FUT8: variants seen among roughly 807,000 people sequenced by gnomAD.
FUT8 encodes the protein fucosyltransferase 8, also known as alpha-(1,6)-fucosyltransferase.
In FUT8, 29 loss-of-function variants were observed where a neutral mutation model predicts 71.3. That is an observed-to-expected ratio of 0.41 (90% CI 0.30 to 0.55). The LOEUF (loss-of-function observed/expected upper bound fraction) is 0.55. Ranked by LOEUF, FUT8 falls within the 20% of genes least tolerant of loss-of-function variation. The probability of loss-of-function intolerance (pLI) is 0.34; values close to 1 mark genes in which losing one functional copy is unlikely to be tolerated. For missense variants in FUT8, 544 were observed against 702.1 expected (o/e 0.77, Z 2.55); for synonymous variants, 254 against 239.3 (o/e 1.06, Z -0.57).
At chr14:65,526,107 T>C (rs1298730226) in intron 2 of FUT8, among the ~76,000 whole-genome samples, 1 of 152,226 alleles carries the variant, frequency 6.6e-6, no homozygotes, top group Non-Finnish European at 1.5e-5. Context: ...GTTCAATTCC[T>C]GGATATCCTT....
At chr14:65,625,988 G>T (rs1344463643) in intron 5 of FUT8, among the ~76,000 whole-genome samples, 2 of 152,106 alleles carry the variant, frequency 1.3e-5, no homozygotes, top group Admixed American at 6.5e-5. Flanking sequence ...AATCACAGTT[G>T]TTGAGGGCAT....
At chr14:65,440,239 A>G (rs562038967) in intron 1 of FUT8, among the ~76,000 whole-genome samples, 148 of 152,010 alleles carry the variant, frequency 9.7e-4, no homozygotes, top group African/African-American at 3.4e-3. Flanking sequence ...TAAAGTGTAC[A>G]AAGTTTCAGG....
At position 65,556,362 on chromosome 14, in the gene FUT8, G is replaced by A. The variant is rs146001113; in HGVS notation, c.-227-4975G>A. On this transcript the variant is annotated intron_variant, in intron 2 of 10. Coordinates refer to ENST00000673929, the MANE Select transcript of FUT8 (RefSeq NM_001371533.1). ...TTGCTCACGTTCACTGGTCATTGGCGGGATTCAACAACCTTGTGAGGTGCT... is the reference window on the plus strand; with the variant it reads ...TTGCTCACGTTCACTGGTCATTGGCAGGATTCAACAACCTTGTGAGGTGCT... 3.9e-4 allele frequency among the ~76,000 whole-genome samples: 59 copies of A among 152,220 alleles called. No individual in the cohort carries two copies. The East Asian group carries it at 8.3e-3, about 21-fold the overall frequency.
chr14:65,423,941 A>T (rs2065341901), intron 1 of FUT8, among the ~76,000 whole-genome samples: 1 of 152,164 alleles, frequency 6.6e-6, no homozygotes, highest in Non-Finnish European at 1.5e-5. Context: ...AATGGCCCTT[A>T]TGCTGGATTC....
chr14:65,412,381 T>C (rs1190532240), upstream of FUT8: 1 of 454,784 alleles, frequency 2.2e-6, no homozygotes, highest in Non-Finnish European at 4.4e-6. Context: ...GCCGGTCCAT[T>C]CCCGGCGCTG....
At chr14:65,721,289 A>G (rs1304082462) in intron 7 of FUT8, among the ~76,000 whole-genome samples, 2 of 152,134 alleles carry the variant, frequency 1.3e-5, no homozygotes, top group Non-Finnish European at 2.9e-5. Flanking sequence ...TTTCTTTAAA[A>G]GATGTAGATG....
chr14:65,547,466 G>A (rs934055594), intron 2 of FUT8, among the ~76,000 whole-genome samples: 1 of 151,392 alleles, frequency 6.6e-6, no homozygotes, highest in Non-Finnish European at 1.5e-5. Flanking sequence ...TATTTTGAAA[G>A]AAATTAGAAA....
intron 2 of FUT8, among the ~76,000 whole-genome samples, chr14:65,539,026 C>T (rs1056316063): frequency 7.9e-5 from 12 of 152,078 alleles, no homozygotes; most frequent in Admixed American, 2.6e-4. Flanking sequence ...TTCTGCTGGC[C>T]GATATAAAAT....
At chr14:65,537,805 G>A (rs1304654441) in intron 2 of FUT8, among the ~76,000 whole-genome samples, 1 of 152,204 alleles carries the variant, frequency 6.6e-6, no homozygotes, top group Non-Finnish European at 1.5e-5. Context: ...TGACGACCTT[G>A]GGGCTTTGAT....
At chr14:65,587,824 A>G (rs1381500300) in intron 3 of FUT8, among the ~76,000 whole-genome samples, 1 of 152,178 alleles carries the variant, frequency 6.6e-6, no homozygotes, top group Non-Finnish European at 1.5e-5. Context: ...ATTAATGACA[A>G]ATGTGAATTC....
intron 6 of FUT8, among the ~76,000 whole-genome samples, chr14:65,632,279 T>C (rs1890228790): frequency 6.6e-6 from 1 of 152,196 alleles, no homozygotes. Context: ...AGCTCTACTT[T>C]TAGTTCTTTA....
At chr14:65,428,959 G>A (rs1345484150) in intron 1 of FUT8, among the ~76,000 whole-genome samples, 1 of 152,158 alleles carries the variant, frequency 6.6e-6, no homozygotes, top group African/African-American at 2.4e-5. Flanking sequence ...CTATCATTGG[G>A]AAGGTTGTCC....
At chr14:65,648,450 C>T (rs1378217637) in intron 6 of FUT8, among the ~76,000 whole-genome samples, 1 of 152,100 alleles carries the variant, frequency 6.6e-6, no homozygotes, top group African/African-American at 2.4e-5. Context: ...ATTTTTGAGG[C>T]TAAGGATTTT....
chr14:65,478,876 CA>C (rs1053235059), intron 2 of FUT8, among the ~76,000 whole-genome samples: 1 of 152,158 alleles, frequency 6.6e-6, no homozygotes, highest in African/African-American at 2.4e-5. Context: ...TCATTCTTTG[CA>C]CAGATAAACT....
intron 1 of FUT8, among the ~76,000 whole-genome samples, chr14:65,451,873 C>T (rs72714440): frequency 0.13 from 20,302 of 152,080 alleles, 1,796 homozygotes; most frequent in Middle Eastern, 0.2. Context: ...TTTATAGGCA[C>T]AGGATGGGAT....
chr14:65,705,795 A>G (rs973417059), intron 7 of FUT8, among the ~76,000 whole-genome samples: 4 of 152,088 alleles, frequency 2.6e-5, no homozygotes, highest in Non-Finnish European at 5.9e-5. Context: ...AGGAGTCCCT[A>G]CTCTTCATTG....
chr14:65,389,582 G>A, the FUT8 span, among the ~76,000 whole-genome samples: 1 of 151,986 alleles, frequency 6.6e-6, no homozygotes, highest in Non-Finnish European at 1.5e-5. Flanking sequence ...CAAAGTGCTA[G>A]GATGACAGGC....
At chr14:65,673,116 G>A (rs1387037308) in intron 7 of FUT8, among the ~76,000 whole-genome samples, 2 of 152,016 alleles carry the variant, frequency 1.3e-5, no homozygotes, top group African/African-American at 4.8e-5. Flanking sequence ...TTATAAATAC[G>A]ATAAAGTTTG....
At chr14:65,634,561 TAAAAAAAA>T (rs35052434) in intron 6 of FUT8, among the ~76,000 whole-genome samples, 2 of 124,046 alleles carry the variant, frequency 1.6e-5, no homozygotes, top group Non-Finnish European at 3.3e-5. Flanking sequence ...AATGATCAAT[TAAAAAAAA>T]AAAAAAAAAA....
Sources: gnomAD v4.1 joint callset for allele counts (sites outside exome capture counted in the v4.1 genomes callset) on GRCh38, gnomAD v4.1.1 for gene constraint, MANE v1.5 for transcripts, NCBI Gene and HGNC (gene_info 2026-07-23, HGNC 2026-07-21) for gene names.